RUNX3: variants seen among roughly 807,000 people sequenced by gnomAD.
RUNX3 encodes runt-related transcription factor 3.
RUNX3 carries 10 observed loss-of-function variants against 27.7 expected under a neutral mutation model. The ratio of observed to expected loss-of-function variants is 0.36; its 90% CI spans 0.22 to 0.61. The LOEUF is 0.61. Ranked by LOEUF, RUNX3 falls within the 20% of genes least tolerant of loss-of-function variation. The pLI is 0.72. For missense variants in RUNX3, 469 were observed against 629.5 expected (o/e 0.75, Z 2.73); for synonymous variants, 270 against 269.2 (o/e 1.00, Z -0.03).
Position 24,927,868 on chromosome 1 carries a change from G to C in RUNX3, c.283-138C>G. On this transcript the variant is annotated intron_variant, in intron 1 of 4. Coordinates refer to ENST00000308873, the MANE Select transcript of RUNX3 (RefSeq NM_004350.3). This position sits in a 1 kb window ranked among gnomAD's most constrained non-coding sequence, Gnocchi z 5.0. ...GAGTATTTCTCCAATGCAGGGTGGAGAAGAGGCTTAAAAACAATAAAGACC... is the reference window on the plus strand; with the variant it reads ...GAGTATTTCTCCAATGCAGGGTGGACAAGAGGCTTAAAAACAATAAAGACC... 1 of 700,858 alleles carries C rather than the reference G, an allele frequency of 1.4e-6. No individual in the cohort carries two copies. Among genetic ancestry groups the C allele is most frequent in the Non-Finnish European group, 2.4e-6 (1 of 409,740 alleles). 43.4% of individuals were successfully genotyped at this position (700,858 alleles called of 1,614,324 possible). A position where few individuals can be genotyped will look rare whatever the true frequency, so the allele number is the denominator to read the frequency against.
At chr1:24,961,122 G>A (rs1642101418) in intron 2 of RUNX3, among the ~76,000 whole-genome samples, 1 of 140,226 alleles carries the variant, frequency 7.1e-6, no homozygotes, top group Admixed American at 7.0e-5. Flanking sequence ...ACTGAGGGGA[G>A]TTTCTGATCC....
intron 2 of RUNX3, among the ~76,000 whole-genome samples, chr1:24,949,193 A>G (rs1641693590): frequency 6.6e-6 from 1 of 151,968 alleles, no homozygotes; most frequent in Non-Finnish European, 1.5e-5. Context: ...TGAATTCTCT[A>G]ACAGCCTGAG....
intron 2 of RUNX3, among the ~76,000 whole-genome samples, chr1:24,963,954 C>A (rs948945843): frequency 1.3e-5 from 2 of 152,250 alleles, no homozygotes; most frequent in African/African-American, 4.8e-5. Flanking sequence ...CTGCCCCGTG[C>A]AGGTCCAGCT....
intron 2 of RUNX3, among the ~76,000 whole-genome samples, chr1:24,948,654 C>T (rs748975469): frequency 8.3e-6 from 1 of 121,064 alleles, no homozygotes; most frequent in African/African-American, 3.3e-5. Context: ...ATGTGCAGGA[C>T]GGGGTGCATG....
rs1418569929 is a variant in RUNX3 at position 24,962,160 on chromosome 1, A to C, written c.58+2354T>G. 2 of 152,152 alleles carry C rather than the reference A, an allele frequency of 1.3e-5. No individual in the cohort carries two copies. Among genetic ancestry groups the C allele is most frequent in the African/African-American group, 4.8e-5 (2 of 41,422 alleles). 9.4% of individuals were successfully genotyped at this position (152,152 alleles called of 1,614,324 possible). On this transcript the variant is annotated intron_variant, in intron 2 of 6. Coordinates refer to the RUNX3 transcript ENST00000338888. The surrounding 1 kb of genome is among the most constrained non-coding windows in gnomAD (Gnocchi z 4.5). Reference sequence around the variant, plus strand: ...TGAAATATTGTTCATGCTCATCACAACTGCATGGCCCACCGCGGGGTCTTG... The same window carrying C: ...TGAAATATTGTTCATGCTCATCACACCTGCATGGCCCACCGCGGGGTCTTG...
Position 24,902,051 on chromosome 1 carries a change from G to A in RUNX3, c.*71C>T, listed in dbSNP as rs539655703. On this transcript the variant is annotated 3_prime_UTR_variant, in exon 5 of 5. Coordinates refer to ENST00000308873, the MANE Select transcript of RUNX3 (RefSeq NM_004350.3). This position sits in a 1 kb window ranked among gnomAD's most constrained non-coding sequence, Gnocchi z 9.2. ...GGTCCCATTCCCGCCCGGAGCCTCG[G>A]AGCCGGCCCATCACTGGTCTTGAAG... 83 of 1,387,974 alleles carry A rather than the reference G, an allele frequency of 6.0e-5. 1 individual carries two copies. The South Asian group carries it at 1.2e-3, about 19-fold the overall frequency. 86.0% of individuals were successfully genotyped at this position (1,387,974 alleles called of 1,614,324 possible).
In RUNX3 at chr1:24,962,295, C is replaced by T. The variant is rs963599543; in HGVS notation, c.58+2219G>A. The T allele has an allele frequency of 6.6e-6, 1 of 152,230 alleles. No homozygotes were observed. The highest frequency in any genetic ancestry group is 1.5e-5 in the Non-Finnish European group (1 of 68,050). The allele number at this position is 152,230 out of a possible 1,614,324, so 9.4% of individuals were successfully genotyped here. A position where few individuals can be genotyped will look rare whatever the true frequency, so the allele number is the denominator to read the frequency against. On this transcript the variant is annotated intron_variant, in intron 2 of 6. Coordinates refer to the RUNX3 transcript ENST00000338888. The surrounding 1 kb of genome is among the most constrained non-coding windows in gnomAD (Gnocchi z 4.5). ...CTGAGTTTGACAATGGTATTTCCAT[C>T]GATTTCTTTTCCTTTGTAATCCTTT...
In RUNX3 at chr1:24,900,762, C is replaced by G; in HGVS notation, c.*1360G>C. On this transcript the variant is annotated 3_prime_UTR_variant, in exon 5 of 5. Coordinates refer to ENST00000308873, the MANE Select transcript of RUNX3 (RefSeq NM_004350.3). ...GCGTCTCATCAGCGTTTCCCTCGTC[C>G]TCCCAGGGGAGCCTGTGGTGCAGGC... 1 of 152,382 alleles carries G rather than the reference C, an allele frequency of 6.6e-6. No homozygotes were observed. Among genetic ancestry groups the G allele is most frequent in the East Asian group, 1.9e-4 (1 of 5,236 alleles). 9.4% of individuals were successfully genotyped at this position (152,382 alleles called of 1,614,324 possible).
Position 24,902,092 on chromosome 1 carries a change from G to A in RUNX3, c.*30C>T, listed in dbSNP as rs765063340. 4.0e-6 allele frequency: 6 copies of A among 1,486,190 alleles called. No individual in the cohort carries two copies. Among genetic ancestry groups the A allele is most frequent in the Non-Finnish European group, 5.4e-6 (6 of 1,116,078 alleles). The allele number at this position is 1,486,190 out of a possible 1,614,324, so 92.1% of individuals were successfully genotyped here. A position where few individuals can be genotyped will look rare whatever the true frequency, so the allele number is the denominator to read the frequency against. Reference sequence around the variant, plus strand: ...GGTCTTGAAGGTTGTTAGGGTCCCCGCCTCCAGCGGGAGGAGTCCACCAGG... The same window carrying A: ...GGTCTTGAAGGTTGTTAGGGTCCCCACCTCCAGCGGGAGGAGTCCACCAGG... On this transcript the variant is annotated 3_prime_UTR_variant, in exon 5 of 5. Transcript: ENST00000308873. This position sits in a 1 kb window ranked among gnomAD's most constrained non-coding sequence, Gnocchi z 9.2.
chr1:24,945,689 C>T (rs1322818060), intron 2 of RUNX3, among the ~76,000 whole-genome samples: 1 of 152,212 alleles, frequency 6.6e-6, no homozygotes, highest in Admixed American at 6.5e-5. Context: ...CTAATGTTAT[C>T]TCCCTACCCA....
intron 2 of RUNX3, among the ~76,000 whole-genome samples, chr1:24,956,578 C>T (rs11249207): frequency 0.72 from 109,865 of 151,910 alleles, 40,720 homozygotes; most frequent in African/African-American, 0.89. Context: ...TCTCCACCCC[C>T]CCTGGACCTA....
chr1:24,930,822 T>C (rs1641211424), upstream of RUNX3, among the ~76,000 whole-genome samples: 1 of 152,156 alleles, frequency 6.6e-6, no homozygotes, highest in South Asian at 2.1e-4. This position sits in a 1 kb window ranked among gnomAD's most constrained non-coding sequence, Gnocchi z 4.1. Flanking sequence ...TTGCGCGTCG[T>C]CCACGCCCGG....
At chr1:24,958,013 C>A (rs542942143) in intron 2 of RUNX3, among the ~76,000 whole-genome samples, 15 of 152,360 alleles carry the variant, frequency 9.8e-5, no homozygotes, top group South Asian at 4.1e-4. Flanking sequence ...CCTGAAAAAA[C>A]CAGGGCTTGG....
At chr1:24,907,934 AACACGCGGTGATCTAAACCTCAACC>A (rs1553200937) in intron 3 of RUNX3, among the ~76,000 whole-genome samples, 3 of 149,910 alleles carry the variant, frequency 2.0e-5, no homozygotes, top group Admixed American at 6.6e-5. Flanking sequence ...AAACCTCTAC[AACACGCGGTGATCTAAACCTCAACC>A]ACACGCGGTG....
intron 3 of RUNX3, among the ~76,000 whole-genome samples, chr1:24,915,285 G>A (rs1211781382): frequency 6.6e-6 from 1 of 152,204 alleles, no homozygotes. Flanking sequence ...TTAGCTGGGT[G>A]TGGTGGCGTG....
intron 2 of RUNX3, among the ~76,000 whole-genome samples, chr1:24,941,507 A>G (rs1300770725): frequency 1.3e-5 from 2 of 152,234 alleles, no homozygotes; most frequent in Non-Finnish European, 2.9e-5. Context: ...CAACGGAGGC[A>G]TAGCAAGGTC....
intron 1 of RUNX3, 103 bp downstream of exon 1, chr1:24,929,484 T>G (rs1259853370): frequency 4.2e-6 from 5 of 1,202,492 alleles, no homozygotes; most frequent in Admixed American, 2.0e-5. Flanking sequence ...CCGCGGCGTC[T>G]CGGGCACCTC....
chr1:24,933,182 G>C (rs1196033133), upstream of RUNX3, among the ~76,000 whole-genome samples: 2 of 152,196 alleles, frequency 1.3e-5, no homozygotes, highest in Non-Finnish European at 2.9e-5. Context: ...CCGCCTAAGA[G>C]GTCCATGGGC....
At chr1:24,913,967 C>T (rs1640840802) in intron 3 of RUNX3, among the ~76,000 whole-genome samples, 1 of 152,236 alleles carries the variant, frequency 6.6e-6, no homozygotes, top group Admixed American at 6.5e-5. Context: ...CTCCAAGGGT[C>T]ATATCCCTCT....
Sources: allele counts gnomAD v4.1 joint callset (sites outside exome capture counted in the v4.1 genomes callset), GRCh38; gene constraint gnomAD v4.1.1; non-coding constraint Gnocchi (gnomAD v3.1); transcripts MANE v1.5; gene names NCBI Gene and HGNC (gene_info 2026-07-23, HGNC 2026-07-21).